The following TEX26 variants were observed in gnomAD, a reference collection of about 807,000 sequenced individuals.
TEX26 encodes testis expressed 26, also known as testis-expressed protein 26.
A neutral mutation model predicts 35.3 loss-of-function variants in TEX26; 34 were observed. That is an observed-to-expected ratio of 0.96 (90% CI 0.73 to 1.28). The LOEUF (loss-of-function observed/expected upper bound fraction) is 1.28. Among genes scored for constraint, TEX26 ranks in the 50% most tolerant of loss-of-function variants. TEX26 has a pLI of 0.00. For synonymous variants in TEX26, 136 were observed against 111.8 expected (o/e 1.22, Z -1.36); for missense variants, 371 against 330.1 (o/e 1.12, Z -0.96).
At chr13:30,955,126 T>C (rs1218652951) in intron 3 of TEX26, among the ~76,000 whole-genome samples, 1 of 152,250 alleles carries the variant, frequency 6.6e-6, no homozygotes, top group Non-Finnish European at 1.5e-5. Flanking sequence ...GAAGAATTGC[T>C]TTGGGCCACA....
At chr13:30,966,124 C>A in intron 4 of TEX26, 98 bp from the exon 5 acceptor site, 1 of 1,267,320 alleles carries the variant, frequency 7.9e-7, no homozygotes, top group Non-Finnish European at 1.1e-6. Flanking sequence ...AGTGTTCATA[C>A]AGGGCACATT....
intron 5 of TEX26, 34 bp downstream of exon 5, chr13:30,966,432 CTTTTTTT>C (rs10523710): frequency 2.1e-3 from 2,132 of 993,530 alleles, no homozygotes; most frequent in East Asian, 4.5e-3. Flanking sequence ...TTCTTTTTCT[CTTTTTTT>C]TTTTTTTTTT....
rs2138180140 is a variant in TEX26 at position 30,939,753 on chromosome 13, A to G, written c.121A>G (p.Thr41Ala). 1.2e-6 allele frequency: 2 copies of G among 1,614,094 alleles called. No individual in the cohort carries two copies. The highest frequency in any genetic ancestry group is 1.7e-6 in the Non-Finnish European group (2 of 1,179,932). Reference sequence around the variant, plus strand: ...TATGAGGACTGCATTCACGCCTAAAACAGGAGCAGTGCCTGCCTTAATTCG... The same window carrying G: ...TATGAGGACTGCATTCACGCCTAAAGCAGGAGCAGTGCCTGCCTTAATTCG... The part of the protein sequence containing the change: ...TTMRTAFTPK[T>A]GAVPALIRQN... The change falls in exon 2 of 7, where the codon ACA (threonine) becomes GCA (alanine). Residue 41 changes from threonine to alanine, a missense_variant. Thr to Ala is a moderately conservative substitution (Grantham distance 58). Coordinates refer to ENST00000380473, the MANE Select transcript of TEX26 (RefSeq NM_152325.3).
Position 30,956,932 on chromosome 13 carries a change from C to G in TEX26, c.372C>G (p.Leu124=). 3 of 1,614,196 alleles carry G rather than the reference C, an allele frequency of 1.9e-6. No individual in the cohort carries two copies. Among genetic ancestry groups the G allele is most frequent in the Non-Finnish European group, 2.5e-6 (3 of 1,180,022 alleles). ...CQQTGTLKNC[L]PWKIPASMKE... ...AAACGGGGACACTAAAGAACTGCCT[C>G]CCTTGGAAAATCCCGGCTTCAATGA... is the stretch of plus-strand genomic sequence containing the variant. Residue 124 remains leucine, a synonymous_variant, in exon 4 of 7, where the codon CTC becomes CTG. Coordinates refer to ENST00000380473, the MANE Select transcript of TEX26 (RefSeq NM_152325.3).
At chr13:30,944,638 G>T (rs971803353) in intron 2 of TEX26, among the ~76,000 whole-genome samples, 2 of 151,924 alleles carry the variant, frequency 1.3e-5, no homozygotes, top group Non-Finnish European at 2.9e-5. Flanking sequence ...TTGATAACTT[G>T]TGTTACTATT....
intron 2 of TEX26, among the ~76,000 whole-genome samples, chr13:30,941,546 G>A (rs1189378667): frequency 6.6e-6 from 1 of 152,084 alleles, no homozygotes; most frequent in Non-Finnish European, 1.5e-5. Flanking sequence ...GGTTACATGG[G>A]TGCATTGCAT....
chr13:30,937,827 A>G (rs1253856026), intron 1 of TEX26, among the ~76,000 whole-genome samples: 1 of 152,198 alleles, frequency 6.6e-6, no homozygotes, highest in Non-Finnish European at 1.5e-5. Flanking sequence ...TAATAGTTGC[A>G]GATGATCAGA....
chr13:30,943,671 T>A (rs771607168), intron 2 of TEX26, among the ~76,000 whole-genome samples: 1 of 152,100 alleles, frequency 6.6e-6, no homozygotes, highest in Non-Finnish European at 1.5e-5. Flanking sequence ...GTTTTTATCA[T>A]AATGGGATGC....
At chr13:30,950,709 C>A (rs1953888478) in intron 2 of TEX26, among the ~76,000 whole-genome samples, 1 of 148,836 alleles carries the variant, frequency 6.7e-6, no homozygotes, top group African/African-American at 2.6e-5. Flanking sequence ...TATAGCACAA[C>A]CCTTCACTCT....
intron 2 of TEX26, among the ~76,000 whole-genome samples, chr13:30,946,367 T>C (rs1305967361): frequency 2.6e-5 from 4 of 151,896 alleles, no homozygotes; most frequent in Non-Finnish European, 5.9e-5. Context: ...TTAATTTCTT[T>C]ATGTTGGTTT....
intron 4 of TEX26, among the ~76,000 whole-genome samples, chr13:30,965,805 TG>T (rs1386628844): frequency 6.6e-6 from 1 of 152,164 alleles, no homozygotes; most frequent in Admixed American, 6.5e-5. Flanking sequence ...AATAAAACTA[TG>T]GGATGCCCAG....
At chr13:30,943,340 A>G (rs1324590715) in intron 2 of TEX26, among the ~76,000 whole-genome samples, 2 of 152,024 alleles carry the variant, frequency 1.3e-5, no homozygotes, top group Non-Finnish European at 2.9e-5. Context: ...GTGTACATTG[A>G]TTTTGTAACT....
At chr13:30,973,532 A>G (rs1479809648) in intron 6 of TEX26, 1 of 152,198 alleles carries the variant, frequency 6.6e-6, no homozygotes. Context: ...ATACCCAACT[A>G]AAAAAATACT....
Position 30,932,671 on chromosome 13 carries a change from TGA to T in TEX26, c.-42_-41del. The stretch of plus-strand genomic sequence containing the variant: ...AGCAGCCCGCGGCTCCCGCAAGCGC[TGA>T]GATAGCTGGAGCCAGGGCCCCGCGG... On this transcript the variant is annotated 5_prime_UTR_variant, in exon 1 of 7. Coordinates refer to ENST00000380473, the MANE Select transcript of TEX26 (RefSeq NM_152325.3). 6.2e-7 allele frequency: 1 copy of T among 1,600,902 alleles called. No homozygotes were observed.
chr13:30,936,587 A>C, intron 1 of TEX26: 1 of 739,598 alleles, frequency 1.4e-6, no homozygotes, highest in Non-Finnish European at 1.7e-6. Flanking sequence ...GTTCCCTGTG[A>C]CACATAGGAC....
chr13:30,955,030 GATGTATT>G (rs1954075023), intron 3 of TEX26, among the ~76,000 whole-genome samples: 2 of 152,094 alleles, frequency 1.3e-5, no homozygotes, highest in African/African-American at 4.8e-5. Context: ...GAAAAACAAC[GATGTATT>G]ATCTGCCTCC....
intron 1 of TEX26, among the ~76,000 whole-genome samples, chr13:30,938,966 C>T (rs1342208846): frequency 6.6e-6 from 1 of 152,220 alleles, no homozygotes; most frequent in Non-Finnish European, 1.5e-5. Flanking sequence ...ATCTACACCA[C>T]AGAATTTTGC....
intron 1 of TEX26, 25 bp downstream of exon 1, chr13:30,932,801 T>TGCGGG: frequency 6.2e-7 from 1 of 1,611,174 alleles, no homozygotes; most frequent in African/African-American, 1.3e-5. Context: ...TCTGCCGGTC[T>TGCGGG]GCGGGGCGGG....
In TEX26 at chr13:30,957,011, T is replaced by C; in HGVS notation, c.451T>C (p.Phe151Leu). The stretch of plus-strand genomic sequence containing the variant: ...GTTTATTTCCCTTACTAAGAGAGAC[T>C]TTGTGGACAGATCAAAAGGTAAACA... ...NQFISLTKRD[F>L]VDRSKAQKIK... The change falls in exon 4 of 7, where the codon TTT (phenylalanine) becomes CTT (leucine). Residue 151 changes from phenylalanine to leucine, a missense_variant. Physicochemically the swap from Phe to Leu is conservative, Grantham distance 22. Coordinates refer to ENST00000380473, the MANE Select transcript of TEX26 (RefSeq NM_152325.3). 1 of 1,614,172 alleles carries C rather than the reference T, an allele frequency of 6.2e-7. No homozygotes were observed. Among genetic ancestry groups the C allele is most frequent in the Non-Finnish European group, 8.5e-7 (1 of 1,180,030 alleles).
Sources: allele counts gnomAD v4.1 joint callset (sites outside exome capture counted in the v4.1 genomes callset), GRCh38; gene constraint gnomAD v4.1.1; transcripts MANE v1.5; gene names NCBI Gene and HGNC (gene_info 2026-07-23, HGNC 2026-07-21).